The following CCSER1 variants were observed in gnomAD, a reference collection of about 807,000 sequenced individuals.
CCSER1 encodes the protein coiled-coil serine rich protein 1.
CCSER1 carries 41 observed loss-of-function variants against 82.0 expected under a neutral mutation model. That is an observed-to-expected ratio of 0.50 (90% confidence interval 0.39 to 0.65). The LOEUF is 0.65. CCSER1 is among the 30% of genes least tolerant of loss of function. The probability of loss-of-function intolerance (pLI) is 0.00; values close to 1 mark genes in which losing one functional copy is unlikely to be tolerated. For missense variants in CCSER1, 1,119 were observed against 1,064.2 expected (o/e 1.05, Z -0.72); for synonymous variants, 414 against 383.9 (o/e 1.08, Z -0.92).
At chr4:91,312,125 T>G (rs1745524683) in intron 10 of CCSER1, among the ~76,000 whole-genome samples, 1 of 151,860 alleles carries the variant, frequency 6.6e-6, no homozygotes, top group African/African-American at 2.4e-5. Context: ...TACAAATTTA[T>G]ATTGTAGTGC....
intron 3 of CCSER1, among the ~76,000 whole-genome samples, chr4:90,322,904 G>A (rs1039271712): frequency 1.3e-5 from 2 of 152,114 alleles, no homozygotes; most frequent in African/African-American, 2.4e-5. Flanking sequence ...TCTTACCCAA[G>A]GTCTGTGACA....
At chr4:91,067,235 T>A (rs1720917979) in intron 9 of CCSER1, among the ~76,000 whole-genome samples, 1 of 151,740 alleles carries the variant, frequency 6.6e-6, no homozygotes, top group Non-Finnish European at 1.5e-5. Context: ...AATGAGTGAA[T>A]AAGCCAGAAA....
chr4:91,002,597 T>C (rs957193124), intron 9 of CCSER1, among the ~76,000 whole-genome samples: 5 of 152,148 alleles, frequency 3.3e-5, no homozygotes, highest in Non-Finnish European at 7.4e-5. Flanking sequence ...TCCTGAAGTT[T>C]TAATTTTTTT....
chr4:90,708,456 G>T (rs1439900878), intron 6 of CCSER1, among the ~76,000 whole-genome samples: 1 of 152,142 alleles, frequency 6.6e-6, no homozygotes, highest in South Asian at 2.1e-4. Context: ...AGGGAGAAAG[G>T]CTGGGAGTGT....
intron 4 of CCSER1, among the ~76,000 whole-genome samples, chr4:90,403,364 T>G (rs966410951): frequency 2.0e-5 from 3 of 150,414 alleles, no homozygotes; most frequent in Non-Finnish European, 3.0e-5. Flanking sequence ...CCGGGCGTAG[T>G]GGCGGGCGCC....
intron 10 of CCSER1, among the ~76,000 whole-genome samples, chr4:91,339,752 A>G (rs1216719497): frequency 6.6e-6 from 1 of 152,110 alleles, no homozygotes; most frequent in Non-Finnish European, 1.5e-5. Flanking sequence ...CCCCCAGTAG[A>G]TGCCTGAAAG....
intron 7 of CCSER1, among the ~76,000 whole-genome samples, chr4:90,743,181 A>C (rs2149449158): frequency 6.6e-6 from 1 of 152,354 alleles, no homozygotes; most frequent in African/African-American, 2.4e-5. Flanking sequence ...AATGCATTCC[A>C]AAAGAAAGAA....
intron 10 of CCSER1, among the ~76,000 whole-genome samples, chr4:91,533,629 G>C (rs1314053643): frequency 6.6e-6 from 1 of 152,026 alleles, no homozygotes; most frequent in East Asian, 1.9e-4. Context: ...TATAAAAATT[G>C]CAGTGACTTT....
chr4:90,407,127 TAGAAA>T (rs1265015468), intron 4 of CCSER1, among the ~76,000 whole-genome samples: 2 of 152,028 alleles, frequency 1.3e-5, no homozygotes, highest in East Asian at 1.9e-4. Flanking sequence ...GAGATTAACC[TAGAAA>T]AGAAGAGAGA....
chr4:90,165,546 G>T (rs975397970), intron 1 of CCSER1, among the ~76,000 whole-genome samples: 1 of 151,894 alleles, frequency 6.6e-6, no homozygotes. Context: ...TACTCTTATT[G>T]GGCAGTGTGT....
In CCSER1 at chr4:90,726,558, A is replaced by G. The variant is rs149244028; in HGVS notation, c.2010+2567A>G. Among the ~76,000 whole-genome samples, 14 of 152,158 alleles carry G rather than the reference A, an allele frequency of 9.2e-5. No homozygotes were observed. In the East Asian group the frequency reaches 2.5e-3, roughly 27 times the overall value. On this transcript the variant is annotated intron_variant, in intron 7 of 10. Coordinates refer to ENST00000509176, the MANE Select transcript of CCSER1 (RefSeq NM_001145065.2). ...GGATCAAATGTTTATTTTTTCCAAT[A>G]TGGCAGCATTTTTCAACTTTGTTAG...
intron 3 of CCSER1, among the ~76,000 whole-genome samples, chr4:90,317,765 C>T (rs1736441248): frequency 6.6e-6 from 1 of 152,196 alleles, no homozygotes; most frequent in Non-Finnish European, 1.5e-5. Flanking sequence ...CTCCTGTATT[C>T]AGGCTGTGGA....
chr4:90,932,145 C>T (rs188129665), intron 9 of CCSER1, among the ~76,000 whole-genome samples: 15 of 152,172 alleles, frequency 9.9e-5, no homozygotes, highest in African/African-American at 3.6e-4. Flanking sequence ...TTTCATGCCA[C>T]ATTGTTAAGA....
At chr4:90,567,251 G>T (rs1006508870) in intron 5 of CCSER1, among the ~76,000 whole-genome samples, 3 of 149,222 alleles carry the variant, frequency 2.0e-5, no homozygotes, top group Non-Finnish European at 4.4e-5. Flanking sequence ...TTGAACTGCT[G>T]TTGCTGTTTC....
chr4:90,240,654 A>C (rs1312804493), intron 1 of CCSER1, among the ~76,000 whole-genome samples: 1 of 152,236 alleles, frequency 6.6e-6, no homozygotes, highest in African/African-American at 2.4e-5. Flanking sequence ...GCTGGGAGGC[A>C]ATTAATTCAT....
intron 5 of CCSER1, among the ~76,000 whole-genome samples, chr4:90,544,421 T>C (rs1188699993): frequency 6.6e-6 from 1 of 152,004 alleles, no homozygotes; most frequent in African/African-American, 2.4e-5. Flanking sequence ...TGTGGCAGAG[T>C]CTAGGAAAGT....
intron 5 of CCSER1, among the ~76,000 whole-genome samples, chr4:90,488,663 T>A (rs888387713): frequency 6.6e-6 from 1 of 152,182 alleles, no homozygotes; most frequent in Non-Finnish European, 1.5e-5. Context: ...AAATAATTTG[T>A]TTAGCCTTAC....
Position 90,850,390 on chromosome 4 carries a change from G to A in CCSER1, c.2094+34545G>A, listed in dbSNP as rs1018537793. 5.3e-5 allele frequency among the ~76,000 whole-genome samples: 8 copies of A among 152,142 alleles called. No individual in the cohort carries two copies. In the East Asian group the frequency reaches 5.8e-4, roughly 11 times the overall value. On this transcript the variant is annotated intron_variant, in intron 8 of 10. Transcript: ENST00000509176. The stretch of plus-strand genomic sequence containing the variant: ...CATAGATCCACCAACAGCTTGCACC[G>A]TGCACCTGGAAAAGCTGCAAACACT...
chr4:91,059,310 GTATA>G (rs1170575036), intron 9 of CCSER1, among the ~76,000 whole-genome samples: 1 of 78,766 alleles, frequency 1.3e-5, no homozygotes, highest in African/African-American at 4.8e-5. Context: ...ATATATACGT[GTATA>G]TATATATACA....
Sources: gnomAD v4.1 joint callset for allele counts (sites outside exome capture counted in the v4.1 genomes callset) on GRCh38, gnomAD v4.1.1 for gene constraint, MANE v1.5 for transcripts, NCBI Gene and HGNC (gene_info 2026-07-23, HGNC 2026-07-21) for gene names.